The following SAFB variants were observed in gnomAD, a reference collection of about 807,000 sequenced individuals.
SAFB encodes scaffold attachment factor B1.
A neutral mutation model predicts 101.6 loss-of-function variants in SAFB; 15 were observed. The observed-to-expected ratio is 0.15, with a 90% CI of 0.10 to 0.23. The LOEUF (loss-of-function observed/expected upper bound fraction) is 0.23. Ranked by LOEUF, SAFB falls within the 10% of genes least tolerant of loss-of-function variation. SAFB has a pLI of 1.00. For synonymous variants in SAFB, 449 were observed against 407.5 expected, an observed-to-expected ratio of 1.10 and a Z score of -1.23; for missense variants, 930 against 1,104.1, an observed-to-expected ratio of 0.84 and a Z score of 2.23.
chr19:5,660,963 T>C (rs576499224), intron 14 of SAFB, among the ~76,000 whole-genome samples: 1,740 of 87,210 alleles, frequency 0.02, 5 homozygotes, highest in Middle Eastern at 0.036. Flanking sequence ...TTTTTTTTTT[T>C]CTGTTGCCGG....
At chr19:5,658,816 C>G (rs761721449) in intron 14 of SAFB, among the ~76,000 whole-genome samples, 4 of 143,242 alleles carry the variant, frequency 2.8e-5, no homozygotes, top group Non-Finnish European at 4.5e-5. Flanking sequence ...GCACTCCAGC[C>G]TGGGCGACAG....
intron 2 of SAFB, among the ~76,000 whole-genome samples, chr19:5,640,287 T>C (rs548580782): frequency 5.7e-4 from 86 of 152,122 alleles, no homozygotes; most frequent in Non-Finnish European, 8.7e-4. Context: ...CAGTATTCCT[T>C]TTCTTACCTA....
intron 1 of SAFB, 75 bp downstream of exon 1, chr19:5,623,469 C>T (rs919216650): frequency 3.0e-6 from 4 of 1,321,242 alleles, no homozygotes; most frequent in Middle Eastern, 2.3e-4. Flanking sequence ...CTCGCGGGCC[C>T]TGGCGTCCGC....
rs1003252426 is a variant in SAFB at position 5,667,088 on chromosome 19, G to A, written c.2377G>A (p.Asp793Asn). 1 of 1,612,782 alleles carries A rather than the reference G, an allele frequency of 6.2e-7. No homozygotes were observed. The highest frequency in any genetic ancestry group is 8.5e-7 in the Non-Finnish European group (1 of 1,179,470). Residue 793 changes from aspartate to asparagine, a missense_variant, in exon 18 of 21, where the codon GAC becomes AAC. Transcript: ENST00000588852. This position sits in a 1 kb window ranked among gnomAD's most constrained non-coding sequence, Gnocchi z 4.0. ...RHGGPERHGR[D>N]SRDGWGGYGS... ...TGGAGGACCAGAGCGCCACGGCCGG[G>A]ACTCCCGCGATGGCTGGGGGGGCTA...
At chr19:5,641,441 C>T (rs1325569431) in intron 2 of SAFB, among the ~76,000 whole-genome samples, 153 bp from the exon 3 acceptor site, 2 of 151,620 alleles carry the variant, frequency 1.3e-5, no homozygotes, top group Non-Finnish European at 1.5e-5. Flanking sequence ...CTGTCTTGTG[C>T]GGAATGGCCT....
chr19:5,661,885 A>ATTTTTTT, intron 15 of SAFB, 77 bp downstream of exon 15: 1 of 833,056 alleles, frequency 1.2e-6, no homozygotes, highest in Non-Finnish European at 1.8e-6. Context: ...TTAGCTTGAG[A>ATTTTTTT]TTTTTTTTTT....
chr19:5,632,734 G>A (rs1224651522), intron 2 of SAFB, among the ~76,000 whole-genome samples: 2 of 152,106 alleles, frequency 1.3e-5, no homozygotes, highest in East Asian at 3.9e-4. Flanking sequence ...TTGTATTCCT[G>A]TTTTTTGTTT....
Position 5,664,134 on chromosome 19 carries a change from C to T in SAFB, c.2266C>T (p.Arg756Cys). 3.7e-6 allele frequency: 6 copies of T among 1,613,920 alleles called. No individual in the cohort carries two copies. The highest frequency in any genetic ancestry group is 1.1e-5 in the South Asian group (1 of 91,078). ...FHDFDHRDRG[R>C]YPDHSVDRRE... is the part of the protein sequence containing the mutation. ...CGACTTTGACCACAGGGACCGCGGCCGCTACCCCGACCACTCGGTGGACAG... is the reference window on the plus strand; with the variant it reads ...CGACTTTGACCACAGGGACCGCGGCTGCTACCCCGACCACTCGGTGGACAG... The change falls in exon 16 of 21, where the codon CGC becomes TGC. Residue 756 changes from arginine to cysteine, a missense_variant. Around this residue, in one of 7 missense-constraint regions of SAFB, gnomAD observed 318 missense variants for 342.6 expected, o/e 0.93. Transcript: ENST00000588852.
chr19:5,642,611 G>T (rs2053742122), intron 4 of SAFB, among the ~76,000 whole-genome samples: 1 of 143,916 alleles, frequency 6.9e-6, no homozygotes, highest in African/African-American at 2.6e-5. Flanking sequence ...AGTATTTCCT[G>T]AATACTACCT....
chr19:5,625,560 G>T (rs189104952), intron 1 of SAFB, among the ~76,000 whole-genome samples: 2 of 152,322 alleles, frequency 1.3e-5, no homozygotes, highest in East Asian at 3.9e-4. Flanking sequence ...GTGCTCATGG[G>T]ACTGGAGAGT....
chr19:5,663,991 C>T (rs2054273406), intron 15 of SAFB, 31 bp from the exon 16 acceptor site: 3 of 1,605,540 alleles, frequency 1.9e-6, no homozygotes, highest in African/African-American at 1.3e-5. Flanking sequence ...GGTGGGGGAT[C>T]CCTCTATCTC....
At chr19:5,642,651 C>CTTTTTT (rs767488519) in intron 4 of SAFB, among the ~76,000 whole-genome samples, 1,933 of 70,842 alleles carry the variant, frequency 0.027, 268 homozygotes, top group East Asian at 0.073. Flanking sequence ...CCCTTCCTTT[C>CTTTTTT]TTTTTTTTTT....
intron 2 of SAFB, among the ~76,000 whole-genome samples, chr19:5,641,016 G>A (rs1028772864): frequency 1.3e-5 from 2 of 150,176 alleles, no homozygotes; most frequent in Non-Finnish European, 3.0e-5. Flanking sequence ...TGCAACCTCC[G>A]CCTCCTGGGT....
intron 6 of SAFB, 191 bp from the exon 7 acceptor site, chr19:5,648,798 C>T: frequency 3.0e-6 from 2 of 672,640 alleles, no homozygotes; most frequent in Non-Finnish European, 5.4e-6. Context: ...AGCGTAGAGG[C>T]TTACCTAGAG....
At chr19:5,626,915 GCAT>G (rs2053377267) in intron 2 of SAFB, among the ~76,000 whole-genome samples, 1 of 151,994 alleles carries the variant, frequency 6.6e-6, no homozygotes, top group Non-Finnish European at 1.5e-5. Flanking sequence ...GTGGTGGCAT[GCAT>G]CTGTGGTCCC....
rs1041352909 is a variant in SAFB at position 5,641,887 on chromosome 19, A to G, written c.487A>G (p.Ser163Gly). The G allele has an allele frequency of 3.1e-6, 5 of 1,614,222 alleles. No homozygotes were observed. The highest frequency in any genetic ancestry group is 3.4e-6 in the Non-Finnish European group (4 of 1,180,034). ...TAACCTCCAGGAGTCCCTGTCGGATAGTAGAGAGCTAGTCGAGGGGGAAAT... is the reference window on the plus strand; with the variant it reads ...TAACCTCCAGGAGTCCCTGTCGGATGGTAGAGAGCTAGTCGAGGGGGAAAT... Reference protein sequence around the residue: ...ADNLQESLSDSRELVEGEMKE... With the variant: ...ADNLQESLSDGRELVEGEMKE... Residue 163 changes from serine to glycine, a missense_variant, in exon 4 of 21, where the codon AGT becomes GGT. By Grantham distance (56) the Ser-to-Gly change is moderately conservative. Coordinates refer to ENST00000588852, the MANE Select transcript of SAFB (RefSeq NM_001201338.2).
At chr19:5,663,804 A>G (rs1430977816) in intron 15 of SAFB, among the ~76,000 whole-genome samples, 1 of 152,082 alleles carries the variant, frequency 6.6e-6, no homozygotes, top group Non-Finnish European at 1.5e-5. Flanking sequence ...TCTTTGGAAA[A>G]CCGAGGCCGC....
chr19:5,668,311 C>T lies in SAFB; in HGVS notation c.*20C>T, dbSNP rs2054384855. The stretch of plus-strand genomic sequence containing the variant: ...TACTGAGTACTTGGAATCCTGTGTC[C>T]TGTCTCGTGGCAACAAGGCTATGTT... On this transcript the variant is annotated 3_prime_UTR_variant, in exon 21 of 21. Transcript: ENST00000588852. 1.0e-5 allele frequency: 16 copies of T among 1,605,692 alleles called. No homozygotes were observed. Among genetic ancestry groups the T allele is most frequent in the Non-Finnish European group, 1.4e-5 (16 of 1,178,124 alleles).
intron 2 of SAFB, among the ~76,000 whole-genome samples, chr19:5,639,929 CT>C (rs2053670490): frequency 6.6e-6 from 1 of 152,064 alleles, no homozygotes; most frequent in South Asian, 2.1e-4. Flanking sequence ...CCTCCACCCC[CT>C]GGGTTCAAGC....
Sources: gnomAD v4.1 joint callset for allele counts (sites outside exome capture counted in the v4.1 genomes callset) on GRCh38, gnomAD v4.1.1 for gene constraint, gnomAD v4.1.1 regional missense constraint, Gnocchi (gnomAD v3.1) non-coding constraint, MANE v1.5 for transcripts, NCBI Gene and HGNC (gene_info 2026-07-23, HGNC 2026-07-21) for gene names.